Variants in PSD3 observed in about 807,000 individuals in gnomAD.
The protein encoded by PSD3 is PH and SEC7 domain-containing protein 3.
In PSD3, 49 loss-of-function variants were observed where a neutral mutation model predicts 105.5. The observed-to-expected ratio is 0.46, with a 90% confidence interval of 0.37 to 0.59. The LOEUF (loss-of-function observed/expected upper bound fraction) is 0.59, where lower values mean the gene tolerates loss of function less well. PSD3 is among the 20% of genes least tolerant of loss of function. The pLI, the probability that PSD3 is intolerant of heterozygous loss-of-function variation, is 0.00. For synonymous variants in PSD3, 557 were observed against 457.8 expected (o/e 1.22, Z -2.77); for missense variants, 1,561 against 1,263.8 (o/e 1.24, Z -3.57).
At chr8:18,611,120 A>T (rs1805231570) in intron 11 of PSD3, among the ~76,000 whole-genome samples, 1 of 152,174 alleles carries the variant, frequency 6.6e-6, no homozygotes, top group South Asian at 2.1e-4. Context: ...GTAGCATGGC[A>T]CTAACCTAAG....
intron 15 of PSD3, among the ~76,000 whole-genome samples, chr8:18,549,887 TAC>T (rs1217719935): frequency 6.6e-6 from 1 of 152,178 alleles, no homozygotes; most frequent in African/African-American, 2.4e-5. Flanking sequence ...CTCCTAAAAA[TAC>T]AGAGTTGGAA....
At chr8:18,879,113 A>T (rs1817944627) in intron 2 of PSD3, among the ~76,000 whole-genome samples, 1 of 151,104 alleles carries the variant, frequency 6.6e-6, no homozygotes, top group South Asian at 2.1e-4. Context: ...CACTGGCCCC[A>T]AGAGAAGTGA....
At chr8:19,014,515 T>A (rs1827111898), upstream of PSD3, 1 of 152,222 alleles carries the variant, frequency 6.6e-6, no homozygotes, top group African/African-American at 2.4e-5. The surrounding 1 kb of genome is among the most constrained non-coding windows in gnomAD (Gnocchi z 4.9). Context: ...CGCCCTCCCC[T>A]GGTAGAGGGA....
intron 4 of PSD3, among the ~76,000 whole-genome samples, chr8:18,816,385 G>A (rs1354826645): frequency 6.6e-6 from 1 of 152,160 alleles, no homozygotes; most frequent in Non-Finnish European, 1.5e-5. Context: ...GCTGGGATTG[G>A]GGCTCAGCAA....
At chr8:18,717,537 C>A (rs190876418) in intron 9 of PSD3, among the ~76,000 whole-genome samples, 268 of 152,050 alleles carry the variant, frequency 1.8e-3, no homozygotes, top group African/African-American at 5.9e-3. Flanking sequence ...TAAAAAAAAA[C>A]CAACCATGAA....
At chr8:18,903,192 C>T (rs1158065286) in intron 2 of PSD3, among the ~76,000 whole-genome samples, 2 of 152,178 alleles carry the variant, frequency 1.3e-5, no homozygotes, top group African/African-American at 2.4e-5. Flanking sequence ...GAAGCACTCA[C>T]CCAACTCCAG....
At chr8:18,648,090 G>C (rs9325837) in intron 10 of PSD3, among the ~76,000 whole-genome samples, 1 of 151,882 alleles carries the variant, frequency 6.6e-6, no homozygotes, top group East Asian at 1.9e-4. Flanking sequence ...CAGAATAAAC[G>C]AATTCAGAAA....
At chr8:18,865,699 C>G (rs1816877636) in intron 4 of PSD3, among the ~76,000 whole-genome samples, 1 of 152,126 alleles carries the variant, frequency 6.6e-6, no homozygotes, top group African/African-American at 2.4e-5. Flanking sequence ...GAGAGGCAAG[C>G]TGGCGCGTCT....
intron 12 of PSD3, among the ~76,000 whole-genome samples, chr8:18,577,002 C>T (rs1802500732): frequency 6.6e-6 from 1 of 150,928 alleles, no homozygotes; most frequent in Non-Finnish European, 1.5e-5. Context: ...AGATGATTAC[C>T]TAGTTCTTTT....
At chr8:18,727,905 G>C (rs575300443) in intron 9 of PSD3, among the ~76,000 whole-genome samples, 5 of 152,154 alleles carry the variant, frequency 3.3e-5, no homozygotes, top group Middle Eastern at 3.4e-3. Context: ...CTACTTTCTA[G>C]ACTTATATTT....
At chr8:18,607,835 A>G (rs141403176) in intron 11 of PSD3, among the ~76,000 whole-genome samples, 50 of 152,236 alleles carry the variant, frequency 3.3e-4, no homozygotes, top group African/African-American at 1.2e-3. Context: ...TGCCTCAGGA[A>G]ATGTACAATC....
rs1427460818 is a variant in PSD3 at position 18,756,849 on chromosome 8, G to A, written c.2172+8600C>T. 7.4e-5 allele frequency among the ~76,000 whole-genome samples: 11 copies of A among 148,878 alleles called. No homozygotes were observed. In the South Asian group the frequency reaches 1.5e-3, roughly 20 times the overall value. ...CAGGCACAAAGTGAAATGATCACCC[G>A]GAGGCGCCACCACTAGTCACTAGCA... is the stretch of plus-strand genomic sequence containing the variant. On this transcript the variant is annotated intron_variant, in intron 9 of 15. Coordinates refer to ENST00000327040, the MANE Select transcript of PSD3 (RefSeq NM_015310.4).
At position 18,655,046 on chromosome 8, in the gene PSD3, G is replaced by A. The variant is rs188042832; in HGVS notation, c.2216+596C>T. ...CTTTTTAAAAGATAAATTTAAGGCCGGGCGTGGTCGCTCACTCCTGTAATC... is the reference window on the plus strand; with the variant it reads ...CTTTTTAAAAGATAAATTTAAGGCCAGGCGTGGTCGCTCACTCCTGTAATC... On this transcript the variant is annotated intron_variant, in intron 10 of 15. Transcript: ENST00000327040. Among the ~76,000 whole-genome samples, 135 of 152,070 alleles carry A rather than the reference G, an allele frequency of 8.9e-4. 1 individual carries two copies. Among genetic ancestry groups the A allele is most frequent in the South Asian group, 7.3e-3 (35 of 4,806 alleles).
intron 11 of PSD3, among the ~76,000 whole-genome samples, chr8:18,628,481 C>A (rs547530273): frequency 2.0e-5 from 3 of 151,720 alleles, no homozygotes; most frequent in Non-Finnish European, 4.4e-5. Context: ...GGATTCTATA[C>A]CCAGTGAATA....
Position 18,581,985 on chromosome 8 carries a change from G to C in PSD3, c.2482-6700C>G, listed in dbSNP as rs9942796. On this transcript the variant is annotated intron_variant, in intron 12 of 15. Transcript: ENST00000327040. ...TGTAACTCAGAGAAGCAAAACAAGA[G>C]CTCTGGATAATGTAAGAAACTGTCT... Among the ~76,000 whole-genome samples the C allele has an allele frequency of 6.0e-3, 919 of 152,254 alleles. 11 individuals carry two copies. The highest frequency in any genetic ancestry group is 0.021 in the African/African-American group (855 of 41,550).
chr8:18,970,056 G>GGT (rs141070572), intron 1 of PSD3, among the ~76,000 whole-genome samples: 129,753 of 151,676 alleles, frequency 0.86, 55,590 homozygotes, highest in South Asian at 0.94. Flanking sequence ...GGCCAGGTGC[G>GGT]GGCTCACACC....
chr8:18,696,308 T>A (rs1397076955), intron 9 of PSD3, among the ~76,000 whole-genome samples: 1 of 152,248 alleles, frequency 6.6e-6, no homozygotes, highest in Non-Finnish European at 1.5e-5. Context: ...AACTTCACAT[T>A]ATCTCATTTA....
chr8:19,005,093 G>A (rs1443725039), intron 1 of PSD3, among the ~76,000 whole-genome samples: 3 of 151,966 alleles, frequency 2.0e-5, no homozygotes, highest in African/African-American at 4.8e-5. Flanking sequence ...GAAACGAAAA[G>A]CAAAACCACA....
chr8:18,551,584 T>C (rs1349192016), intron 15 of PSD3, among the ~76,000 whole-genome samples: 1 of 152,190 alleles, frequency 6.6e-6, no homozygotes, highest in Non-Finnish European at 1.5e-5. Context: ...ATTTGTTGTT[T>C]CTAAAATTGA....
Sources: gnomAD v4.1 joint callset for allele counts (sites outside exome capture counted in the v4.1 genomes callset) on GRCh38, gnomAD v4.1.1 for gene constraint, Gnocchi (gnomAD v3.1) non-coding constraint, MANE v1.5 for transcripts, NCBI Gene and HGNC (gene_info 2026-07-23, HGNC 2026-07-21) for gene names.